The following CACNB4 variants were observed in gnomAD, a reference collection of about 807,000 sequenced individuals.
CACNB4 encodes the protein voltage-dependent L-type calcium channel subunit beta-4.
CACNB4 carries 32 observed loss-of-function variants against 71.2 expected under a neutral mutation model. That is an observed-to-expected ratio of 0.45 (90% CI 0.34 to 0.60). The LOEUF (loss-of-function observed/expected upper bound fraction) is 0.60, where lower values mean the gene tolerates loss of function less well. CACNB4 is among the 20% of genes least tolerant of loss of function. The pLI, the probability that CACNB4 is intolerant of heterozygous loss-of-function variation, is 0.01. For missense variants in CACNB4, 464 were observed against 647.9 expected (o/e 0.72, Z 3.08); for synonymous variants, 231 against 236.9 (o/e 0.97, Z 0.23).
chr2:151,958,776 A>G (rs1472121274), intron 2 of CACNB4, among the ~76,000 whole-genome samples: 1 of 152,094 alleles, frequency 6.6e-6, no homozygotes, highest in Admixed American at 6.5e-5. Context: ...CCTCAAATCC[A>G]TCTTCTACCC....
intron 9 of CACNB4, chr2:151,866,215 T>A (rs2099843068): frequency 6.6e-6 from 1 of 152,258 alleles, no homozygotes; most frequent in Non-Finnish European, 1.5e-5. Flanking sequence ...CCCAAGTTTA[T>A]GATTCTGCAA....
chr2:151,981,050 G>A (rs2099874639), intron 2 of CACNB4, among the ~76,000 whole-genome samples: 1 of 136,530 alleles, frequency 7.3e-6, no homozygotes, highest in Non-Finnish European at 1.6e-5. Flanking sequence ...CCTTCTTTAA[G>A]GTCAAATGTA....
chr2:151,946,293 C>T (rs1009859767), intron 2 of CACNB4, among the ~76,000 whole-genome samples: 1 of 151,318 alleles, frequency 6.6e-6, no homozygotes, highest in African/African-American at 2.4e-5. Context: ...TGCGCCATTG[C>T]ACTCCAGCCC....
At chr2:151,869,384 T>G (rs1578542812) in intron 8 of CACNB4, 149 bp from the exon 9 acceptor site, 1 of 579,034 alleles carries the variant, frequency 1.7e-6, no homozygotes, top group East Asian at 2.9e-5. Context: ...CCATGGAAGG[T>G]GTTTTTCATG....
chr2:152,051,250 CTT>C (rs199907302), intron 2 of CACNB4, among the ~76,000 whole-genome samples: 3 of 151,606 alleles, frequency 2.0e-5, no homozygotes, highest in African/African-American at 7.3e-5. Flanking sequence ...TTACTATCAA[CTT>C]TTTTTTTGAA....
Position 151,836,656 on chromosome 2 carries a change from T to C in CACNB4, c.*2463A>G, listed in dbSNP as rs532807611. ...ATCTGATGGTAATTGATAGATTGGT[T>C]TTGTGCACAGATATTGAATGAGACT... On this transcript the variant is annotated 3_prime_UTR_variant, in exon 14 of 14. Coordinates refer to ENST00000539935, the MANE Select transcript of CACNB4 (RefSeq NM_000726.5). 6.6e-6 allele frequency: 1 copy of C among 152,018 alleles called. No individual in the cohort carries two copies. Among genetic ancestry groups the C allele is most frequent in the South Asian group, 2.1e-4 (1 of 4,826 alleles). The allele number at this position is 152,018 out of a possible 1,614,324, so 9.4% of individuals were successfully genotyped here. A position where few individuals can be genotyped will look rare whatever the true frequency, so the allele number is the denominator to read the frequency against.
At chr2:151,974,110 GT>G in intron 2 of CACNB4, 1 of 271,312 alleles carries the variant, frequency 3.7e-6, no homozygotes, top group Non-Finnish European at 5.8e-6. Flanking sequence ...CGCCTGTATT[GT>G]TAGTTCTACA....
chr2:151,914,104 G>C (rs2151546368), intron 2 of CACNB4, among the ~76,000 whole-genome samples: 1 of 152,032 alleles, frequency 6.6e-6, no homozygotes, highest in East Asian at 1.9e-4. Flanking sequence ...ATCTCCTTCT[G>C]GTATCCCAAT....
chr2:152,070,543 A>G (rs1686623413), intron 2 of CACNB4, among the ~76,000 whole-genome samples: 1 of 152,116 alleles, frequency 6.6e-6, no homozygotes, highest in African/African-American at 2.4e-5. Context: ...GAAACCACAC[A>G]AGAAGAAGAC....
At chr2:151,914,965 C>T (rs1057245972) in intron 2 of CACNB4, among the ~76,000 whole-genome samples, 6 of 152,106 alleles carry the variant, frequency 3.9e-5, no homozygotes, top group Non-Finnish European at 7.4e-5. Flanking sequence ...TTGAGTGGCA[C>T]GGGGAGCAGG....
In CACNB4 at chr2:152,003,765, A is replaced by G. The variant is rs540453143; in HGVS notation, c.147+94565T>C. Among the ~76,000 whole-genome samples the G allele has an allele frequency of 4.6e-5, 7 of 152,276 alleles. No homozygotes were observed. The East Asian group carries it at 1.3e-3, about 29-fold the overall frequency. ...ATTCTTGAAATATTTACAGTAAAGA[A>G]GGAAGATTTTTAAGTTAGTTGAGGA... is the stretch of plus-strand genomic sequence containing the variant. On this transcript the variant is annotated intron_variant, in intron 2 of 13. Transcript: ENST00000539935.
intron 2 of CACNB4, among the ~76,000 whole-genome samples, chr2:151,989,189 T>A (rs1681548856): frequency 6.6e-6 from 1 of 152,162 alleles, no homozygotes; most frequent in Admixed American, 6.5e-5. Flanking sequence ...AACCCACACC[T>A]CTCTTTGAGC....
intron 2 of CACNB4, among the ~76,000 whole-genome samples, chr2:151,919,033 C>T (rs1186837199): frequency 6.6e-6 from 1 of 152,152 alleles, no homozygotes; most frequent in African/African-American, 2.4e-5. Context: ...CGCCTAGAGC[C>T]AACCACAGGG....
chr2:151,920,882 T>C (rs557581245), intron 2 of CACNB4, among the ~76,000 whole-genome samples: 75 of 152,252 alleles, frequency 4.9e-4, no homozygotes, highest in Non-Finnish European at 8.4e-4. Context: ...CTCACGCCTG[T>C]AATCCTAGCA....
At chr2:151,933,606 C>T (rs774298243) in intron 2 of CACNB4, among the ~76,000 whole-genome samples, 8 of 152,174 alleles carry the variant, frequency 5.3e-5, no homozygotes, top group Non-Finnish European at 1.0e-4. Context: ...AACATCAAGT[C>T]TTCTGTGTGA....
chr2:151,866,486 A>G (rs1311979516), intron 9 of CACNB4: 1 of 152,202 alleles, frequency 6.6e-6, no homozygotes, highest in Non-Finnish European at 1.5e-5. Flanking sequence ...GCTGGTTTCA[A>G]TTAAAGACTA....
At chr2:151,863,385 T>C (rs1244304038) in intron 9 of CACNB4, among the ~76,000 whole-genome samples, 1 of 152,086 alleles carries the variant, frequency 6.6e-6, no homozygotes, top group Non-Finnish European at 1.5e-5. Context: ...TATTTTTGTG[T>C]TTTTGGGTTT....
rs1687982255 is a variant in CACNB4 at position 152,091,683 on chromosome 2, T to C, written c.147+6647A>G. Among the ~76,000 whole-genome samples, 3 of 152,104 alleles carry C rather than the reference T, an allele frequency of 2.0e-5. No individual in the cohort carries two copies. In the South Asian group the frequency reaches 6.2e-4, roughly 32 times the overall value. On this transcript the variant is annotated intron_variant, in intron 2 of 13. Transcript: ENST00000539935. Reference sequence around the variant, plus strand: ...AACTGGTTGTGCCCCTCCTTGGCTGTTTCCCTCAGATCCACTCCTCCCACT... The same window carrying C: ...AACTGGTTGTGCCCCTCCTTGGCTGCTTCCCTCAGATCCACTCCTCCCACT...
In CACNB4 at chr2:152,098,794, A is replaced by G; in HGVS notation, c.63+155T>C. 8.9e-7 allele frequency: 1 copy of G among 1,125,928 alleles called. No individual in the cohort carries two copies. The highest frequency in any genetic ancestry group is 1.5e-5 in the South Asian group (1 of 65,496). The allele number at this position is 1,125,928 out of a possible 1,614,324, so 69.7% of individuals were successfully genotyped here. A position where few individuals can be genotyped will look rare whatever the true frequency, so the allele number is the denominator to read the frequency against. The stretch of plus-strand genomic sequence containing the variant: ...GGAGAAAGAGGAGGAGCGGGAGGAG[A>G]AAGGGACGTGGAGGAGGGGTGGGGG... On this transcript the variant is annotated intron_variant, in intron 1 of 13. Coordinates refer to ENST00000539935, the MANE Select transcript of CACNB4 (RefSeq NM_000726.5). The surrounding 1 kb of genome is among the most constrained non-coding windows in gnomAD (Gnocchi z 5.3).
Sources: gnomAD v4.1 joint callset for allele counts (sites outside exome capture counted in the v4.1 genomes callset) on GRCh38, gnomAD v4.1.1 for gene constraint, Gnocchi (gnomAD v3.1) non-coding constraint, MANE v1.5 for transcripts, NCBI Gene and HGNC (gene_info 2026-07-23, HGNC 2026-07-21) for gene names.